The following TUT1 variants were observed in gnomAD, a reference collection of about 807,000 sequenced individuals.
TUT1 encodes the protein terminal uridylyl transferase 1, U6 snRNA-specific, also known as speckle targeted PIP5K1A-regulated poly(A) polymerase.
A neutral mutation model predicts 48.8 loss-of-function variants in TUT1; 26 were observed. That is an observed-to-expected ratio of 0.53 (90% confidence interval 0.39 to 0.74). The LOEUF (loss-of-function observed/expected upper bound fraction) is 0.74. Among genes scored for constraint, TUT1 ranks in the 30% least tolerant of loss-of-function variants. The probability of loss-of-function intolerance (pLI) is 0.00; values close to 1 mark genes in which losing one functional copy is unlikely to be tolerated. For synonymous variants in TUT1, 470 were observed against 460.8 expected (o/e 1.02, Z -0.26); for missense variants, 1,065 against 1,114.8 (o/e 0.96, Z 0.64).
chr11:62,578,197 C>A (rs1357768594), intron 5 of TUT1, among the ~76,000 whole-genome samples: 1 of 152,000 alleles, frequency 6.6e-6, no homozygotes, highest in Non-Finnish European at 1.5e-5. Context: ...TGAGACTTGG[C>A]AGGTGCAGGA....
chr11:62,582,591 C>T (rs1265617571), intron 2 of TUT1: 3 of 455,516 alleles, frequency 6.6e-6, no homozygotes, highest in Non-Finnish European at 1.3e-5. Flanking sequence ...GACAGCGAGA[C>T]CCTGTCTCAA....
At chr11:62,590,922 T>C (rs1942000764) in intron 1 of TUT1, among the ~76,000 whole-genome samples, 1 of 152,160 alleles carries the variant, frequency 6.6e-6, no homozygotes, top group South Asian at 2.1e-4. Flanking sequence ...ACTGGTACCT[T>C]ATGGTCTAGT....
chr11:62,577,948 C>G (rs1941756226), intron 5 of TUT1, among the ~76,000 whole-genome samples: 1 of 151,504 alleles, frequency 6.6e-6, no homozygotes, highest in Non-Finnish European at 1.5e-5. Flanking sequence ...GTAATCCCAG[C>G]TACTCGGGAG....
At chr11:62,577,433 TGA>T in intron 5 of TUT1, 142 bp from the exon 6 acceptor site, 1 of 672,704 alleles carries the variant, frequency 1.5e-6, no homozygotes, top group East Asian at 2.7e-5. Context: ...ACTGATCTTG[TGA>T]GACAGTGTGC....
At chr11:62,585,919 A>G (rs1219829881) in intron 2 of TUT1, among the ~76,000 whole-genome samples, 2 of 152,100 alleles carry the variant, frequency 1.3e-5, no homozygotes, top group East Asian at 3.9e-4. Context: ...GACCAGCAAC[A>G]TGGAGAAACC....
chr11:62,585,602 C>T (rs1221899631), intron 2 of TUT1, among the ~76,000 whole-genome samples: 1 of 152,156 alleles, frequency 6.6e-6, no homozygotes, highest in Non-Finnish European at 1.5e-5. Flanking sequence ...GAGGCTGAGG[C>T]GGACAGATCA....
At position 62,576,197 on chromosome 11, in the gene TUT1, G is replaced by A. The variant is rs369062301; in HGVS notation, c.1522C>T (p.Arg508Cys). Residue 508 changes from arginine (R) to cysteine (C), a missense_variant, in exon 9 of 9, where the codon CGT (arginine) becomes TGT (cysteine). By Grantham distance (180) the Arg-to-Cys change is radical. Transcript: ENST00000476907. ...TCCCGCAGGGACAGCAGGGAGCCAC[G>A]AAGATCCCAACAAGATACACAGGAG... ...FFSCVSCWDL[R>C]GSLLSLREGQ... is the part of the protein sequence containing the mutation. 1.9e-6 allele frequency: 3 copies of A among 1,607,868 alleles called. No homozygotes were observed. The highest frequency in any genetic ancestry group is 2.2e-5 in the East Asian group (1 of 44,800).
chr11:62,576,720 A>G lies in TUT1; in HGVS notation c.1411T>C (p.Trp471Arg), dbSNP rs1941735168. Residue 471 changes from tryptophan (W) to arginine (R), a missense_variant, in exon 8 of 9, where the codon TGG becomes CGG. Physicochemically the swap from Trp to Arg is moderately radical, Grantham distance 101. Coordinates refer to ENST00000476907, the MANE Select transcript of TUT1 (RefSeq NM_022830.3). ...GEGEQVEVDG[W>R]DCSFPRDASR... ...GCATCCCTGGGGAAACTGCAGTCCC[A>G]GCCATCGACTTCCACCTGTTCCCCC... The G allele has an allele frequency of 6.2e-7, 1 of 1,614,202 alleles. No homozygotes were observed. The highest frequency in any genetic ancestry group is 8.5e-7 in the Non-Finnish European group (1 of 1,180,026).
intron 2 of TUT1, among the ~76,000 whole-genome samples, chr11:62,587,735 A>G (rs1941943997): frequency 6.6e-6 from 1 of 152,232 alleles, no homozygotes; most frequent in Non-Finnish European, 1.5e-5. Flanking sequence ...CTAAAAGATA[A>G]CCTGGGCTGC....
At position 62,578,443 on chromosome 11, in the gene TUT1, G is replaced by A. The variant is rs1417705063; in HGVS notation, c.1160+118C>T. On this transcript the variant is annotated intron_variant, in intron 5 of 8. Transcript: ENST00000476907. Reference sequence around the variant, plus strand: ...GCCTGTAATCCCAGCTACTTGGGAGGCTGAGGCAGGAGAATCACTTCAACC... The same window carrying A: ...GCCTGTAATCCCAGCTACTTGGGAGACTGAGGCAGGAGAATCACTTCAACC... The A allele has an allele frequency of 6.3e-6, 6 of 954,056 alleles. No homozygotes were observed. In the East Asian group the frequency reaches 1.6e-4, roughly 26 times the overall value. 59.1% of individuals were successfully genotyped at this position (954,056 alleles called of 1,614,324 possible). A position where few individuals can be genotyped will look rare whatever the true frequency, so the allele number is the denominator to read the frequency against.
rs1360194740 is a variant in TUT1, at chr11:62,575,507, G to T, written c.2212C>A (p.Arg738=). 2 of 1,612,980 alleles carry T rather than the reference G, an allele frequency of 1.2e-6. No individual in the cohort carries two copies. The highest frequency in any genetic ancestry group is 8.5e-7 in the Non-Finnish European group (1 of 1,180,018). The change falls in exon 9 of 9, where the codon CGG becomes AGG. Residue 738 remains arginine, a synonymous_variant. Coordinates refer to ENST00000476907, the MANE Select transcript of TUT1 (RefSeq NM_022830.3). The stretch of plus-strand genomic sequence containing the variant: ...GCTGCCTCATGTCCCTTGGGCCCCC[G>T]CTCTGCCAGGGCTGCGTGGCTGGGC... ...GQPSHAALAE[R]GPKGHEAAQE...
At position 62,575,374 on chromosome 11, in the gene TUT1, C is replaced by T. The variant is rs1398927902; in HGVS notation, c.2345G>A (p.Arg782His). ...HRVWQGRRRA[R>H]RRLQQQTKEG... ...CTTGGTTTGCTGCTGCAAGCGTCTA[C>T]GGGCTCGCCGCCGCCCTTGCCACAC... is the stretch of plus-strand genomic sequence containing the variant. Residue 782 changes from arginine to histidine, a missense_variant, in exon 9 of 9, where the codon CGT becomes CAT. Physicochemically the swap from Arg to His is conservative, Grantham distance 29 (BLOSUM62 0). Coordinates refer to ENST00000476907, the MANE Select transcript of TUT1 (RefSeq NM_022830.3). 1.2e-6 allele frequency: 2 copies of T among 1,613,190 alleles called. No homozygotes were observed. The highest frequency in any genetic ancestry group is 1.3e-5 in the African/African-American group (1 of 74,952).
intron 1 of TUT1, among the ~76,000 whole-genome samples, chr11:62,591,148 G>A (rs139686387): frequency 6.7e-6 from 1 of 150,190 alleles, no homozygotes; most frequent in East Asian, 2.0e-4. Flanking sequence ...CAGAGCATAT[G>A]TCCAATAGAT....
Position 62,579,040 on chromosome 11 carries a change from G to C in TUT1, c.691-10C>G. 6.7e-7 allele frequency: 1 copy of C among 1,497,312 alleles called. No individual in the cohort carries two copies. Among genetic ancestry groups the C allele is most frequent in the Non-Finnish European group, 8.9e-7 (1 of 1,123,442 alleles). The allele number at this position is 1,497,312 out of a possible 1,614,324, so 92.8% of individuals were successfully genotyped here. ...GAGCCTTTGGGACTGGCTGTGGACAGAAATGAACTGAGTGAAATGTTTCTG... is the reference window on the plus strand; with the variant it reads ...GAGCCTTTGGGACTGGCTGTGGACACAAATGAACTGAGTGAAATGTTTCTG... On this transcript the variant is annotated splice_polypyrimidine_tract_variant and intron_variant, in intron 4 of 8. Transcript: ENST00000476907.
rs12277961 is a variant in TUT1, at chr11:62,589,013, G to C, written c.273+18C>G. 6.2e-7 allele frequency: 1 copy of C among 1,607,326 alleles called. No individual in the cohort carries two copies. Among genetic ancestry groups the C allele is most frequent in the Non-Finnish European group, 8.5e-7 (1 of 1,174,602 alleles). On this transcript the variant is annotated intron_variant, in intron 2 of 8. Transcript: ENST00000476907. ...CCAGCACTGATTCATTCTTTAACCC[G>C]AGAGCCATTCACTTTACCTTGTCCT... is the stretch of plus-strand genomic sequence containing the variant.
rs1941703025 is a variant in TUT1, at chr11:62,575,395, C to G, written c.2324G>C (p.Trp775Ser). ...SWRCALWHRVWQGRRRARRRL... is the reference protein window; with the variant it reads ...SWRCALWHRVSQGRRRARRRL... ...TCTACGGGCTCGCCGCCGCCCTTGCCACACTCGGTGCCACAAGGCACAGCG... is the reference window on the plus strand; with the variant it reads ...TCTACGGGCTCGCCGCCGCCCTTGCGACACTCGGTGCCACAAGGCACAGCG... The change falls in exon 9 of 9, where the codon TGG becomes TCG. Residue 775 changes from tryptophan to serine, a missense_variant. Trp to Ser is a radical substitution (Grantham distance 177, BLOSUM62 -3). Coordinates refer to ENST00000476907, the MANE Select transcript of TUT1 (RefSeq NM_022830.3). 1.2e-6 allele frequency: 2 copies of G among 1,612,430 alleles called. No homozygotes were observed. Among genetic ancestry groups the G allele is most frequent in the Non-Finnish European group, 1.7e-6 (2 of 1,180,026 alleles).
At chr11:62,583,865 G>C (rs1018355742) in intron 2 of TUT1, among the ~76,000 whole-genome samples, 1 of 152,174 alleles carries the variant, frequency 6.6e-6, no homozygotes, top group Non-Finnish European at 1.5e-5. Flanking sequence ...AGATTCAATG[G>C]GGAAAGAACA....
rs763068310 is a variant in TUT1 at position 62,576,997 on chromosome 11, T to G, written c.1291A>C (p.Asn431His). ...ATCACCAGCAAGGTCAGGGCGTAGT[T>G]ACTGAGAAGGGGGCCACTCCCTGGG... The part of the protein sequence containing the change: ...GLSGSGPLLS[N>H]YALTLLVIYF... The change falls in exon 7 of 9, where the codon AAC (asparagine) becomes CAC (histidine). Residue 431 changes from asparagine to histidine, a missense_variant. Transcript: ENST00000476907. 6 of 1,614,026 alleles carry G rather than the reference T, an allele frequency of 3.7e-6. No individual in the cohort carries two copies. The Admixed American group carries it at 8.3e-5, about 22-fold the overall frequency.
At chr11:62,577,074 G>A (rs1029182698) in intron 6 of TUT1, 57 bp from the exon 7 acceptor site, 7 of 1,592,662 alleles carry the variant, frequency 4.4e-6, no homozygotes, top group South Asian at 3.3e-5. Context: ...TCCCCTCACT[G>A]GCAGTTTTCT....
Sources: allele counts gnomAD v4.1 joint callset (sites outside exome capture counted in the v4.1 genomes callset), GRCh38; gene constraint gnomAD v4.1.1; transcripts MANE v1.5; gene names NCBI Gene and HGNC (gene_info 2026-07-23, HGNC 2026-07-21).